The following TBC1D28 variants were observed in gnomAD, a reference collection of about 807,000 sequenced individuals.
The protein encoded by TBC1D28 is TBC1 domain family member 28.
Under a neutral mutation model 29.2 loss-of-function variants are expected in TBC1D28, and 20 were observed. The observed-to-expected ratio is 0.68, with a 90% CI of 0.48 to 0.99. The LOEUF (loss-of-function observed/expected upper bound fraction) is 0.99, where lower values mean the gene tolerates loss of function less well. TBC1D28 is among the 50% of genes least tolerant of loss of function. TBC1D28 has a pLI of 0.00. For missense variants in TBC1D28, 205 were observed against 243.7 expected, an observed-to-expected ratio of 0.84 and a Z score of 1.06; for synonymous variants, 65 against 90.9, an observed-to-expected ratio of 0.71 and a Z score of 1.62.
chr17:18,636,410 G>A, exon 9 of TBC1D28: 1 of 1,598,486 alleles, frequency 6.3e-7, no homozygotes, highest in East Asian at 2.2e-5. Flanking sequence ...TTTTCTGCCA[G>A]CAGCGAGCTG....
At chr17:18,635,692 G>A in exon 9 of TBC1D28, 1 of 1,026,242 alleles carries the variant, frequency 9.7e-7, no homozygotes, top group Non-Finnish European at 1.2e-6. Context: ...CTTCCTTTCC[G>A]AGGCCACAAA....
chr17:18,641,277 C>A lies in TBC1D28; in HGVS notation c.75+1G>T. On this transcript the variant is annotated splice_donor_variant, in intron 3 of 8. Coordinates refer to ENST00000345096, the Ensembl canonical transcript of TBC1D28. LOFTEE classifies it high-confidence loss of function. Reference sequence around the variant, plus strand: ...CCTTGAGGGAGCGGCCCAACTTGTACCTGCTCATACTTAGTAATGATGATA... The same window carrying A: ...CCTTGAGGGAGCGGCCCAACTTGTAACTGCTCATACTTAGTAATGATGATA... 1 of 1,612,698 alleles carries A rather than the reference C, an allele frequency of 6.2e-7. No individual in the cohort carries two copies. The highest frequency in any genetic ancestry group is 1.3e-5 in the African/African-American group (1 of 74,662).
intron 8 of TBC1D28, 104 bp from the exon 10 acceptor site, chr17:18,636,701 T>G (rs539984133): frequency 7.1e-7 from 1 of 1,410,384 alleles, no homozygotes; most frequent in African/African-American, 1.4e-5. Flanking sequence ...GTTCAGATGA[T>G]CCCCCCAAAT....
chr17:18,642,515 C>T (rs1239343156), upstream of TBC1D28: 3 of 152,102 alleles, frequency 2.0e-5, no homozygotes, highest in Non-Finnish European at 4.4e-5. Flanking sequence ...AAGGGTAGGG[C>T]TGAGTGCACG....
At chr17:18,637,257 T>C (rs2031544215) in intron 8 of TBC1D28, among the ~76,000 whole-genome samples, 2 of 89,824 alleles carry the variant, frequency 2.2e-5, no homozygotes, top group South Asian at 7.3e-4. Context: ...TTGAAGATCA[T>C]CTCCGTAGCC....
At chr17:18,636,293 C>T in exon 9 of TBC1D28, 1 of 1,423,938 alleles carries the variant, frequency 7.0e-7, no homozygotes, top group Non-Finnish European at 9.2e-7. Context: ...GTGTGGGACC[C>T]TGCCAAGCTC....
chr17:18,636,341 T>G, exon 9 of TBC1D28: 2 of 1,502,680 alleles, frequency 1.3e-6, no homozygotes, highest in Non-Finnish European at 8.8e-7. Flanking sequence ...GAAGGTCATT[T>G]CTTCATCTGA....
chr17:18,641,407 A>C, intron 2 of TBC1D28, 54 bp from the exon 4 acceptor site: 2 of 1,201,698 alleles, frequency 1.7e-6, no homozygotes, highest in Non-Finnish European at 2.4e-6. Context: ...TCCAGAGAAC[A>C]GCCAAACCAC....
At chr17:18,636,270 C>G (rs1597479303) in exon 9 of TBC1D28, 6 of 1,378,010 alleles carry the variant, frequency 4.4e-6, no homozygotes, top group Non-Finnish European at 4.7e-6. Context: ...CTGTCTCCTA[C>G]AAGGACCATC....
intron 8 of TBC1D28, among the ~76,000 whole-genome samples, chr17:18,636,905 C>A (rs1246283789): frequency 9.4e-6 from 1 of 106,420 alleles, no homozygotes; most frequent in Non-Finnish European, 1.8e-5. Flanking sequence ...TTCCACGATT[C>A]TGAACTAATG....
At chr17:18,637,882 A>G (rs533350645) in exon 8 of TBC1D28, 1 of 1,613,678 alleles carries the variant, frequency 6.2e-7, no homozygotes, top group East Asian at 2.2e-5. Flanking sequence ...GAATCTTTGT[A>G]TGAACATCAT....
intron 7 of TBC1D28, 143 bp downstream of exon 8, chr17:18,638,170 G>A: frequency 7.7e-7 from 1 of 1,290,482 alleles, no homozygotes; most frequent in Non-Finnish European, 1.1e-6. Flanking sequence ...TGGTGCCTGA[G>A]TTACCATCTA....
exon 9 of TBC1D28, chr17:18,636,057 C>T: frequency 2.0e-6 from 2 of 1,013,376 alleles, no homozygotes; most frequent in Non-Finnish European, 2.4e-6. Context: ...CTCTCCCTGC[C>T]TGGAATGGTC....
chr17:18,635,110 C>T (rs1453963484), exon 9 of TBC1D28: 7 of 152,388 alleles, frequency 4.6e-5, no homozygotes, highest in Non-Finnish European at 8.8e-5. Context: ...ACCCAAGCCT[C>T]CGAGAGCCGC....
At chr17:18,636,086 C>T (rs2031482931) in exon 9 of TBC1D28, 5 of 1,031,078 alleles carry the variant, frequency 4.8e-6, no homozygotes, top group Non-Finnish European at 5.8e-6. Flanking sequence ...GGGGGCCAAG[C>T]AGGAAGAGCC....
intron 5 of TBC1D28, 196 bp from the exon 7 acceptor site, chr17:18,638,897 C>T (rs1359702943): frequency 1.2e-6 from 1 of 824,382 alleles, no homozygotes; most frequent in East Asian, 2.7e-5. Context: ...ACATGCCATC[C>T]TCAGGCCATA....
At chr17:18,636,128 C>T (rs1328555295) in exon 9 of TBC1D28, 41 of 1,115,136 alleles carry the variant, frequency 3.7e-5, no homozygotes, top group Non-Finnish European at 4.5e-5. Flanking sequence ...ATCTGCTATG[C>T]TCCTGTGGGG....
chr17:18,638,730 G>A (rs527562040), intron 5 of TBC1D28, 29 bp from the exon 7 acceptor site: 103 of 1,613,968 alleles, frequency 6.4e-5, no homozygotes, highest in Admixed American at 1.2e-4. Flanking sequence ...TGGAGTTAGC[G>A]GAGCTGTCAG....
Position 18,636,381 on chromosome 17 carries a change from G to T in TBC1D28, c.*81C>A, listed in dbSNP as rs533507802. 79 of 1,570,566 alleles carry T rather than the reference G, an allele frequency of 5.0e-5. No homozygotes were observed. The African/African-American group carries it at 1.0e-3, about 21-fold the overall frequency. ...TGGTGATTGGGTCCATGTGAGACCAGGAGTCTGGGCTTCAACCCTTTTCTG... is the reference window on the plus strand; with the variant it reads ...TGGTGATTGGGTCCATGTGAGACCATGAGTCTGGGCTTCAACCCTTTTCTG... On this transcript the variant is annotated 3_prime_UTR_variant, in exon 9 of 9. Transcript: ENST00000345096.
Sources: gnomAD v4.1 joint callset for allele counts (sites outside exome capture counted in the v4.1 genomes callset) on GRCh38, gnomAD v4.1.1 for gene constraint, MANE v1.5 for transcripts, NCBI Gene and HGNC (gene_info 2026-07-23, HGNC 2026-07-21) for gene names.